The following MYO16 variants were observed in gnomAD, a reference collection of about 807,000 sequenced individuals.
The protein encoded by MYO16 is unconventional myosin-XVI.
A neutral mutation model predicts 205.3 loss-of-function variants in MYO16; 94 were observed. The ratio of observed to expected loss-of-function variants is 0.46; its 90% CI spans 0.39 to 0.54. The LOEUF (loss-of-function observed/expected upper bound fraction) is 0.54. Among genes scored for constraint, MYO16 ranks in the 20% least tolerant of loss-of-function variants. The pLI is 0.00. For synonymous variants in MYO16, 988 were observed against 954.0 expected (o/e 1.04, Z -0.66); for missense variants, 2,315 against 2,387.5 (o/e 0.97, Z 0.63).
the MYO16 span, among the ~76,000 whole-genome samples, chr13:108,587,591 G>A: frequency 1.3e-5 from 2 of 152,072 alleles, no homozygotes; most frequent in East Asian, 3.9e-4. Context: ...AATTGAGATT[G>A]ACAAGGTATA....
the MYO16 span, among the ~76,000 whole-genome samples, chr13:108,510,425 A>ATTTTTTTTTTT: frequency 2.0e-3 from 197 of 97,076 alleles, 8 homozygotes; most frequent in African/African-American, 7.8e-3. Context: ...TAGATAGTTA[A>ATTTTTTTTTTT]TTTTTTTTTT....
At chr13:108,659,853 C>A (rs191757450) in intron 1 of MYO16, among the ~76,000 whole-genome samples, 4 of 152,194 alleles carry the variant, frequency 2.6e-5, no homozygotes, top group Non-Finnish European at 4.4e-5. Flanking sequence ...ATGGGGCTTA[C>A]TAAAGCAATA....
At chr13:108,717,842 G>A (rs1443638436) in intron 3 of MYO16, among the ~76,000 whole-genome samples, 3 of 151,976 alleles carry the variant, frequency 2.0e-5, no homozygotes, top group Admixed American at 2.0e-4. Context: ...AAGGGGACCA[G>A]GTTTTGTAAT....
At chr13:108,615,058 C>G (rs936330004) in intron 1 of MYO16, among the ~76,000 whole-genome samples, 1 of 152,026 alleles carries the variant, frequency 6.6e-6, no homozygotes, top group African/African-American at 2.4e-5. Context: ...AATTTTATAT[C>G]TGATATAGGA....
chr13:109,183,835 C>G (rs1879560326), intron 34 of MYO16, among the ~76,000 whole-genome samples: 1 of 152,192 alleles, frequency 6.6e-6, no homozygotes, highest in Non-Finnish European at 1.5e-5. Flanking sequence ...ATCCAGCTCA[C>G]TCCTGCCATA....
At chr13:108,949,336 C>G (rs192977456) in intron 16 of MYO16, among the ~76,000 whole-genome samples, 6 of 152,098 alleles carry the variant, frequency 3.9e-5, no homozygotes, top group South Asian at 2.1e-4. Flanking sequence ...GTGAGTTCAG[C>G]GATTGACAGG....
chr13:109,091,917 C>G (rs1263553962), intron 27 of MYO16, among the ~76,000 whole-genome samples: 1 of 152,006 alleles, frequency 6.6e-6, no homozygotes, highest in Admixed American at 6.6e-5. Flanking sequence ...ATAAGAAAAC[C>G]GCATCTTTTC....
At chr13:109,050,159 T>C (rs1443540188) in intron 24 of MYO16, among the ~76,000 whole-genome samples, 1 of 152,184 alleles carries the variant, frequency 6.6e-6, no homozygotes, top group Admixed American at 6.5e-5. Context: ...GTCCCACTAA[T>C]ATTAGTCTTT....
intron 16 of MYO16, among the ~76,000 whole-genome samples, chr13:108,926,037 C>T (rs547264291): frequency 4.6e-5 from 7 of 152,348 alleles, no homozygotes; most frequent in Non-Finnish European, 8.8e-5. Context: ...GTTCTGACCG[C>T]ACAAAGACTC....
intron 12 of MYO16, among the ~76,000 whole-genome samples, chr13:108,869,765 C>CAAAA (rs1878955511): frequency 7.9e-6 from 1 of 126,846 alleles, no homozygotes; most frequent in Non-Finnish European, 1.6e-5. Context: ...AAAAAAGAAA[C>CAAAA]CACACATAAA....
At chr13:108,827,254 T>C (rs895403101) in intron 9 of MYO16, among the ~76,000 whole-genome samples, 1 of 152,166 alleles carries the variant, frequency 6.6e-6, no homozygotes, top group African/African-American at 2.4e-5. Context: ...TTGTTTTTTT[T>C]TCCCCCAGAA....
intron 16 of MYO16, among the ~76,000 whole-genome samples, chr13:108,926,202 G>T (rs1881994127): frequency 6.6e-6 from 1 of 152,182 alleles, no homozygotes; most frequent in Admixed American, 6.5e-5. Context: ...AGAAAGGGAG[G>T]TGTCTAGAAG....
At chr13:108,579,908 TA>T in the MYO16 span, among the ~76,000 whole-genome samples, 1 of 152,226 alleles carries the variant, frequency 6.6e-6, no homozygotes, top group Admixed American at 6.5e-5. Context: ...CAATGACTGC[TA>T]TTTGTTAAGT....
chr13:108,852,272 C>G (rs1176054737), intron 10 of MYO16, among the ~76,000 whole-genome samples: 1 of 152,144 alleles, frequency 6.6e-6, no homozygotes, highest in Non-Finnish European at 1.5e-5. Flanking sequence ...CTTTTTTCCT[C>G]TTTGTGCTAA....
chr13:108,704,492 A>T (rs1458333100), intron 2 of MYO16, among the ~76,000 whole-genome samples: 2 of 152,182 alleles, frequency 1.3e-5, no homozygotes, highest in African/African-American at 2.4e-5. Flanking sequence ...CAAGAACTTA[A>T]AATATAATAA....
intron 1 of MYO16, among the ~76,000 whole-genome samples, chr13:108,638,870 G>T (rs546014229): frequency 6.6e-6 from 1 of 152,128 alleles, no homozygotes; most frequent in Non-Finnish European, 1.5e-5. Context: ...CGGAGCTGGG[G>T]CAAGCTCATC....
chr13:108,702,812 G>T (rs919599232), intron 2 of MYO16, among the ~76,000 whole-genome samples: 1 of 152,052 alleles, frequency 6.6e-6, no homozygotes, highest in Non-Finnish European at 1.5e-5. Flanking sequence ...GGGGACAGCT[G>T]ACTATATAAC....
At chr13:108,503,626 G>T in the MYO16 span, among the ~76,000 whole-genome samples, 2 of 152,066 alleles carry the variant, frequency 1.3e-5, no homozygotes, top group Non-Finnish European at 1.5e-5. Context: ...TAATCTTTGG[G>T]ACATGATGGA....
At chr13:108,733,213 T>C (rs2139595603) in intron 4 of MYO16, among the ~76,000 whole-genome samples, 1 of 152,262 alleles carries the variant, frequency 6.6e-6, no homozygotes, top group African/African-American at 2.4e-5. Flanking sequence ...CACAAATGTG[T>C]TTTGTTTTGG....
Sources: allele counts gnomAD v4.1 joint callset (sites outside exome capture counted in the v4.1 genomes callset), GRCh38; gene constraint gnomAD v4.1.1; transcripts MANE v1.5; gene names NCBI Gene and HGNC (gene_info 2026-07-23, HGNC 2026-07-21).